Variants in ADGRB3 observed in about 807,000 individuals in gnomAD.
The protein encoded by ADGRB3 is adhesion G protein-coupled receptor B3.
Under a neutral mutation model 193.4 loss-of-function variants are expected in ADGRB3, and 37 were observed. That is an observed-to-expected ratio of 0.19 (90% CI 0.15 to 0.25). ADGRB3 has a LOEUF of 0.25. ADGRB3 is among the 10% of genes least tolerant of loss of function. The probability of loss-of-function intolerance (pLI) is 1.00; values close to 1 mark genes in which losing one functional copy is unlikely to be tolerated. For missense variants in ADGRB3, 1,637 were observed against 1,852.9 expected, an observed-to-expected ratio of 0.88 and a Z score of 2.14; for synonymous variants, 690 against 644.2, an observed-to-expected ratio of 1.07 and a Z score of -1.08.
intron 17 of ADGRB3, among the ~76,000 whole-genome samples, chr6:69,191,233 T>C (rs2150354893): frequency 6.6e-6 from 1 of 152,296 alleles, no homozygotes; most frequent in East Asian, 1.9e-4. Context: ...CAATGGTTTT[T>C]TTTTCCATAA....
chr6:68,870,196 T>A (rs1765418272), intron 3 of ADGRB3, among the ~76,000 whole-genome samples: 1 of 152,230 alleles, frequency 6.6e-6, no homozygotes. Context: ...GCATGAAGAC[T>A]GGCTGTTAGA....
intron 20 of ADGRB3, among the ~76,000 whole-genome samples, chr6:69,321,623 C>T (rs1392154149): frequency 6.6e-6 from 1 of 151,720 alleles, no homozygotes; most frequent in Non-Finnish European, 1.5e-5. Flanking sequence ...GATGATTGAT[C>T]ACTGGGGGCT....
At chr6:69,059,227 A>T (rs564294615) in intron 15 of ADGRB3, among the ~76,000 whole-genome samples, 1 of 151,972 alleles carries the variant, frequency 6.6e-6, no homozygotes, top group Non-Finnish European at 1.5e-5. Context: ...TTGTCTCTTG[A>T]AACAGTTTTT....
At chr6:69,257,488 CG>C (rs1290327000) in intron 20 of ADGRB3, among the ~76,000 whole-genome samples, 14 of 152,098 alleles carry the variant, frequency 9.2e-5, no homozygotes, top group African/African-American at 3.4e-4. Flanking sequence ...AGTTTATTTG[CG>C]TAGAGGTGTT....
intron 3 of ADGRB3, among the ~76,000 whole-genome samples, chr6:68,775,195 C>T (rs1484140492): frequency 6.8e-6 from 1 of 148,116 alleles, no homozygotes; most frequent in Non-Finnish European, 1.5e-5. Flanking sequence ...TGACTACCCA[C>T]TTCAACTCCA....
At chr6:68,685,069 A>G (rs532119413) in intron 3 of ADGRB3, among the ~76,000 whole-genome samples, 8 of 152,330 alleles carry the variant, frequency 5.3e-5, no homozygotes, top group African/African-American at 1.9e-4. Flanking sequence ...TATCTCTAAC[A>G]GAAAGCTGAA....
At chr6:68,671,305 G>A (rs1280067730) in intron 3 of ADGRB3, among the ~76,000 whole-genome samples, 4 of 151,922 alleles carry the variant, frequency 2.6e-5, no homozygotes, top group Non-Finnish European at 5.9e-5. Flanking sequence ...AATAACAGTG[G>A]TGACAGTGGG....
intron 30 of ADGRB3, among the ~76,000 whole-genome samples, chr6:69,381,099 GTGTT>G (rs1332935998): frequency 6.6e-6 from 1 of 151,774 alleles, no homozygotes; most frequent in East Asian, 1.9e-4. Context: ...CTGCATGAAA[GTGTT>G]TGTCTCCCAA....
intron 11 of ADGRB3, among the ~76,000 whole-genome samples, chr6:69,001,381 A>C (rs1209966007): frequency 3.9e-5 from 6 of 152,252 alleles, no homozygotes; most frequent in Admixed American, 1.3e-4. Context: ...AAGGCAGGAA[A>C]GTTGAGGCCA....
intron 3 of ADGRB3, among the ~76,000 whole-genome samples, chr6:68,916,399 T>C (rs549622570): frequency 6.6e-6 from 1 of 152,314 alleles, no homozygotes; most frequent in East Asian, 1.9e-4. Context: ...CTCTCTCTCC[T>C]CTCTCTTTCT....
chr6:68,928,780 T>C (rs891656691), intron 3 of ADGRB3, among the ~76,000 whole-genome samples: 5 of 152,108 alleles, frequency 3.3e-5, no homozygotes, highest in Admixed American at 6.6e-5. Context: ...AGATGACTTA[T>C]GTAAACCTGT....
chr6:69,043,642 A>G (rs1356585655), intron 13 of ADGRB3, among the ~76,000 whole-genome samples: 1 of 152,214 alleles, frequency 6.6e-6, no homozygotes, highest in Non-Finnish European at 1.5e-5. Flanking sequence ...GGACCATTCA[A>G]GCACCAAACA....
chr6:69,152,069 A>G (rs1774695730), intron 17 of ADGRB3, among the ~76,000 whole-genome samples: 1 of 152,206 alleles, frequency 6.6e-6, no homozygotes. Context: ...CTGAACTGTG[A>G]GTCAATTAAA....
intron 3 of ADGRB3, among the ~76,000 whole-genome samples, chr6:68,749,408 A>ATATATATGTGTG (rs540892508): frequency 4.4e-5 from 6 of 136,562 alleles, no homozygotes; most frequent in African/African-American, 1.7e-4. Flanking sequence ...ATATATATAT[A>ATATATATGTGTG]TGTGTGTGTG....
chr6:68,805,274 G>A (rs1043228852), intron 3 of ADGRB3, among the ~76,000 whole-genome samples: 2 of 152,064 alleles, frequency 1.3e-5, no homozygotes, highest in African/African-American at 4.8e-5. Flanking sequence ...TTAAACCACA[G>A]TTCTGAAAAT....
chr6:69,137,078 A>ATTTTTTTTTTTTTTTTTTTG (rs1193270145), intron 17 of ADGRB3, among the ~76,000 whole-genome samples: 1 of 121,472 alleles, frequency 8.2e-6, no homozygotes, highest in Non-Finnish European at 1.7e-5. Flanking sequence ...TTTTTTTTTA[A>ATTTTTTTTTTTTTTTTTTTG]TGGTAAGATC....
At chr6:69,377,999 T>C (rs954830208) in intron 30 of ADGRB3, among the ~76,000 whole-genome samples, 1 of 152,062 alleles carries the variant, frequency 6.6e-6, no homozygotes, top group Non-Finnish European at 1.5e-5. Flanking sequence ...TGGCCTTCCA[T>C]GTGGCAGTCG....
chr6:69,067,511 A>T (rs548424893), intron 16 of ADGRB3, among the ~76,000 whole-genome samples: 5 of 152,154 alleles, frequency 3.3e-5, no homozygotes, highest in Non-Finnish European at 5.9e-5. Context: ...ATCAGTGGGT[A>T]TTTTCATGAA....
At chr6:68,695,992 G>A (rs1217501275) in intron 3 of ADGRB3, among the ~76,000 whole-genome samples, 1 of 151,914 alleles carries the variant, frequency 6.6e-6, no homozygotes, top group Non-Finnish European at 1.5e-5. Flanking sequence ...TCCTGTATTT[G>A]GCTGCGACCC....
Sources: allele counts gnomAD v4.1 joint callset (sites outside exome capture counted in the v4.1 genomes callset), GRCh38; gene constraint gnomAD v4.1.1; transcripts MANE v1.5; gene names NCBI Gene and HGNC (gene_info 2026-07-23, HGNC 2026-07-21).